NCEH1: variants seen among roughly 807,000 people sequenced by gnomAD.
NCEH1 encodes the protein 2-acetyl MAGE hydrolase.
In NCEH1, 9 loss-of-function variants were observed where a neutral mutation model predicts 25.4. That is an observed-to-expected ratio of 0.35 (90% CI 0.21 to 0.62). The LOEUF is 0.62. Ranked by LOEUF, NCEH1 falls within the 20% of genes least tolerant of loss-of-function variation. NCEH1 has a pLI of 0.72. For missense variants in NCEH1, 412 were observed against 501.1 expected (o/e 0.82, Z 1.70); for synonymous variants, 200 against 199.8 (o/e 1.00, Z -0.01).
At chr3:172,689,081 C>T (rs1347554750) in intron 1 of NCEH1, among the ~76,000 whole-genome samples, 3 of 152,052 alleles carry the variant, frequency 2.0e-5, no homozygotes, top group African/African-American at 4.8e-5. Flanking sequence ...CTACCCTTAG[C>T]GGGGACAAAT....
intron 3 of NCEH1, among the ~76,000 whole-genome samples, chr3:172,638,276 C>CAA (rs57018096): frequency 4.4e-5 from 1 of 22,576 alleles, no homozygotes; most frequent in East Asian, 1.7e-3. Context: ...AGACTCTGTC[C>CAA]AAAAAAAAAA....
At chr3:172,664,791 A>G (rs1022959945) in intron 1 of NCEH1, among the ~76,000 whole-genome samples, 5 of 152,112 alleles carry the variant, frequency 3.3e-5, no homozygotes, top group African/African-American at 7.2e-5. Context: ...TTCTCGTGCC[A>G]TGGTTTTCAG....
At chr3:172,687,770 C>T (rs1376710048) in intron 1 of NCEH1, among the ~76,000 whole-genome samples, 1 of 152,124 alleles carries the variant, frequency 6.6e-6, no homozygotes, top group African/African-American at 2.4e-5. Flanking sequence ...CTGTAATTTT[C>T]GGTGTTGGCA....
At chr3:172,708,126 TCTGA>T (rs1258420504) in intron 1 of NCEH1, among the ~76,000 whole-genome samples, 2 of 132,004 alleles carry the variant, frequency 1.5e-5, no homozygotes, top group Admixed American at 1.8e-4. Flanking sequence ...ATCTCAATAG[TCTGA>T]CTCACTGCAC....
intron 1 of NCEH1, among the ~76,000 whole-genome samples, chr3:172,701,901 G>A (rs779690886): frequency 6.6e-6 from 1 of 152,126 alleles, no homozygotes; most frequent in Non-Finnish European, 1.5e-5. Flanking sequence ...TTCCTCACCT[G>A]ACTGGTGCTT....
rs867587593 is a variant in NCEH1 at position 172,688,228 on chromosome 3, G to A, written c.138+22619C>T. ...GCCTGTAATCCTGGCTAGTCAGGAG[G>A]CTGAGGCACAAGAATCGCTTGAATC... On this transcript the variant is annotated intron_variant, in intron 1 of 4. Transcript: ENST00000475381. 5.3e-5 allele frequency among the ~76,000 whole-genome samples: 8 copies of A among 150,714 alleles called. No homozygotes were observed. The Middle Eastern group carries it at 0.01, about 196-fold the overall frequency.
intron 1 of NCEH1, among the ~76,000 whole-genome samples, chr3:172,702,555 C>A (rs938529668): frequency 1.3e-4 from 20 of 152,302 alleles, no homozygotes; most frequent in African/African-American, 4.8e-4. Flanking sequence ...TTTTGCCAGA[C>A]CAGCTCCTTA....
chr3:172,667,551 A>C (rs955315947), intron 1 of NCEH1, among the ~76,000 whole-genome samples: 5 of 152,138 alleles, frequency 3.3e-5, no homozygotes, highest in Non-Finnish European at 7.3e-5. Flanking sequence ...GGCTTGGAGG[A>C]CCATGTCTTC....
At chr3:172,690,441 A>G (rs887038495) in intron 1 of NCEH1, among the ~76,000 whole-genome samples, 2 of 152,250 alleles carry the variant, frequency 1.3e-5, no homozygotes, top group African/African-American at 2.4e-5. Context: ...ATTGTTCTGG[A>G]AAAGTGTGTA....
At chr3:172,703,519 C>T (rs1280257835) in intron 1 of NCEH1, among the ~76,000 whole-genome samples, 1 of 108,404 alleles carries the variant, frequency 9.2e-6, no homozygotes, top group African/African-American at 4.3e-5. Flanking sequence ...CAGAGCAAGA[C>T]TCTGTCTCAA....
At chr3:172,655,350 C>T (rs777454942) in intron 1 of NCEH1, among the ~76,000 whole-genome samples, 10 of 152,150 alleles carry the variant, frequency 6.6e-5, no homozygotes, top group Non-Finnish European at 1.3e-4. Flanking sequence ...TCAGTGGAAC[C>T]GGACAGTAAA....
intron 1 of NCEH1, among the ~76,000 whole-genome samples, chr3:172,659,644 T>C (rs1717875160): frequency 6.6e-6 from 1 of 152,134 alleles, no homozygotes; most frequent in Admixed American, 6.5e-5. Flanking sequence ...GGCACATAAG[T>C]ACATTTATTC....
At chr3:172,645,861 A>T (rs1717095823) in intron 2 of NCEH1, among the ~76,000 whole-genome samples, 169 bp from the exon 3 acceptor site, 1 of 152,234 alleles carries the variant, frequency 6.6e-6, no homozygotes, top group Non-Finnish European at 1.5e-5. Context: ...TGAAAAATTA[A>T]ATCTGATTTC....
rs549768781 is a variant in NCEH1 at position 172,667,828 on chromosome 3, C to T, written c.139-19714G>A. ...CAACTCATTTTCTTTTATACAAGGG[C>T]ATGGCATTTTTACTAAACCTTTGCC... On this transcript the variant is annotated intron_variant, in intron 1 of 4. Coordinates refer to ENST00000475381, the MANE Select transcript of NCEH1 (RefSeq NM_020792.6). Among the ~76,000 whole-genome samples the T allele has an allele frequency of 5.9e-5, 9 of 152,276 alleles. No homozygotes were observed. In the East Asian group the frequency reaches 1.2e-3, roughly 20 times the overall value.
rs1553830302 is a variant in NCEH1, at chr3:172,653,735, G to GTTT, written c.139-5624_139-5622dup. Among the ~76,000 whole-genome samples the GTTT allele has an allele frequency of 7.7e-4, 55 of 70,988 alleles. 4 individuals carry two copies. The highest frequency in any genetic ancestry group is 2.6e-3 in the East Asian group (4 of 1,526). 46.6% of individuals were successfully genotyped at this position (70,988 alleles called of 152,430 possible). ...TTGTTTTTGTTGTTGTTGTTGTTCT[G>GTTT]TTTTTTTTGTTTTTTTGTTTTTTTG... On this transcript the variant is annotated intron_variant, in intron 1 of 4. Transcript: ENST00000475381.
At chr3:172,685,022 C>T (rs1712620493) in intron 1 of NCEH1, among the ~76,000 whole-genome samples, 1 of 147,386 alleles carries the variant, frequency 6.8e-6, no homozygotes, top group Non-Finnish European at 1.5e-5. Context: ...TGGGCCAGGC[C>T]TAGCGGCTTA....
intron 1 of NCEH1, among the ~76,000 whole-genome samples, chr3:172,650,515 G>A (rs1261726421): frequency 1.3e-5 from 2 of 151,928 alleles, no homozygotes; most frequent in African/African-American, 2.4e-5. Context: ...CGGGCATGGT[G>A]GCGGGCGCCT....
chr3:172,656,642 T>C (rs1717709398), intron 1 of NCEH1, among the ~76,000 whole-genome samples: 1 of 152,100 alleles, frequency 6.6e-6, no homozygotes, highest in Admixed American at 6.6e-5. Flanking sequence ...GATGCGCGCC[T>C]GTAATCCCAG....
At chr3:172,707,912 A>G (rs994774567) in intron 1 of NCEH1, among the ~76,000 whole-genome samples, 1 of 152,238 alleles carries the variant, frequency 6.6e-6, no homozygotes, top group African/African-American at 2.4e-5. Context: ...ACTGCTAAGA[A>G]CGTTCATCTC....
Sources: allele counts gnomAD v4.1 joint callset (sites outside exome capture counted in the v4.1 genomes callset), GRCh38; gene constraint gnomAD v4.1.1; transcripts MANE v1.5; gene names NCBI Gene and HGNC (gene_info 2026-07-23, HGNC 2026-07-21).